Variants in CRPPA observed in about 807,000 individuals in gnomAD.
The protein encoded by CRPPA is CDP-L-ribitol pyrophosphorylase A, also known as D-ribitol-5-phosphate cytidylyltransferase.
In CRPPA, 43 loss-of-function variants were observed where a neutral mutation model predicts 52.0. The ratio of observed to expected loss-of-function variants is 0.83; its 90% CI spans 0.65 to 1.07. The LOEUF (loss-of-function observed/expected upper bound fraction) is 1.07, where lower values mean the gene tolerates loss of function less well. Among genes scored for constraint, CRPPA ranks in the 50% least tolerant of loss-of-function variants. The probability of loss-of-function intolerance (pLI) is 0.00; values close to 1 mark genes in which losing one functional copy is unlikely to be tolerated. For missense variants in CRPPA, 629 were observed against 551.7 expected, an observed-to-expected ratio of 1.14 and a Z score of -1.40; for synonymous variants, 250 against 203.5, an observed-to-expected ratio of 1.23 and a Z score of -1.94.
chr7:16,296,386 C>A (rs1291812961), intron 5 of CRPPA, among the ~76,000 whole-genome samples: 5 of 151,932 alleles, frequency 3.3e-5, no homozygotes, highest in African/African-American at 1.2e-4. Flanking sequence ...TAAGATGGAC[C>A]AAAACACACA....
chr7:16,317,650 A>G (rs1299812625), intron 3 of CRPPA, among the ~76,000 whole-genome samples: 1 of 152,184 alleles, frequency 6.6e-6, no homozygotes, highest in Non-Finnish European at 1.5e-5. Flanking sequence ...CTATCTATTC[A>G]TCAATGGACA....
intron 9 of CRPPA, among the ~76,000 whole-genome samples, chr7:16,140,628 A>T (rs1007068949): frequency 5.9e-5 from 9 of 152,182 alleles, no homozygotes; most frequent in African/African-American, 2.2e-4. Context: ...GCATTATATA[A>T]TCCTTTTTAT....
At chr7:16,212,183 C>A (rs919706019) in intron 9 of CRPPA, among the ~76,000 whole-genome samples, 1 of 152,044 alleles carries the variant, frequency 6.6e-6, no homozygotes, top group Non-Finnish European at 1.5e-5. Context: ...TAAGAGAGTG[C>A]CTCTGCTTTA....
rs1381774184 is a variant in CRPPA at position 16,278,236 on chromosome 7, A to G, written c.836-10T>C. 7.2e-7 allele frequency: 1 copy of G among 1,385,268 alleles called. No individual in the cohort carries two copies. The highest frequency in any genetic ancestry group is 2.3e-5 in the Admixed American group (1 of 44,140). 85.8% of individuals were successfully genotyped at this position (1,385,268 alleles called of 1,614,324 possible). On this transcript the variant is annotated splice_polypyrimidine_tract_variant and intron_variant, in intron 5 of 9. Transcript: ENST00000407010. ...TCTTGGGAAATTCTCTCTGAAATTA[A>G]AAAAAAAAAGTTTTAAGTTTCAAAC...
chr7:16,185,505 G>T (rs915553197), intron 9 of CRPPA, among the ~76,000 whole-genome samples: 2 of 152,134 alleles, frequency 1.3e-5, no homozygotes, highest in African/African-American at 4.8e-5. Flanking sequence ...AACAACGGTG[G>T]TGGCAATAGG....
chr7:16,381,195 TGTTCTG>T (rs1787077237), intron 2 of CRPPA, among the ~76,000 whole-genome samples: 1 of 152,240 alleles, frequency 6.6e-6, no homozygotes, highest in African/African-American at 2.4e-5. Flanking sequence ...GTTGTTTCAT[TGTTCTG>T]GTTGGTTTCA....
At chr7:16,323,301 C>A (rs1221203696) in intron 3 of CRPPA, among the ~76,000 whole-genome samples, 1 of 152,114 alleles carries the variant, frequency 6.6e-6, no homozygotes, top group Non-Finnish European at 1.5e-5. Flanking sequence ...TATCTATAAC[C>A]TTTGCCAGGT....
chr7:16,112,401 G>T (rs1183631230), intron 9 of CRPPA, among the ~76,000 whole-genome samples: 1 of 151,910 alleles, frequency 6.6e-6, no homozygotes. Context: ...AGGATCTGCA[G>T]ATAGATAGCT....
chr7:16,104,896 T>C (rs1401297950), intron 9 of CRPPA, among the ~76,000 whole-genome samples: 2 of 142,264 alleles, frequency 1.4e-5, no homozygotes, highest in African/African-American at 2.8e-5. Flanking sequence ...TGAGACTCCA[T>C]CTCAAAGAAA....
chr7:16,130,464 A>G (rs971260742), intron 9 of CRPPA, among the ~76,000 whole-genome samples: 2 of 152,206 alleles, frequency 1.3e-5, no homozygotes, highest in African/African-American at 4.8e-5. Context: ...TTAAAACAGA[A>G]TTAAACAATA....
At chr7:16,107,306 G>C (rs1284451616) in intron 9 of CRPPA, among the ~76,000 whole-genome samples, 1 of 152,112 alleles carries the variant, frequency 6.6e-6, no homozygotes, top group East Asian at 1.9e-4. Flanking sequence ...CCAGAAAGAA[G>C]TTCATCAAGG....
intron 2 of CRPPA, among the ~76,000 whole-genome samples, chr7:16,382,206 G>A (rs1356073419): frequency 6.6e-6 from 1 of 152,106 alleles, no homozygotes; most frequent in African/African-American, 2.4e-5. Flanking sequence ...AAATCTCTCA[G>A]CATTTGCTTG....
chr7:16,207,946 T>C (rs1428074803), intron 9 of CRPPA, among the ~76,000 whole-genome samples: 1 of 152,212 alleles, frequency 6.6e-6, no homozygotes, highest in Non-Finnish European at 1.5e-5. Flanking sequence ...TGCCTTCTTT[T>C]TGTTTCTATT....
rs565851582 is a variant in CRPPA at position 16,383,073 on chromosome 7, T to C, written c.535-6832A>G. Among the ~76,000 whole-genome samples the C allele has an allele frequency of 2.4e-4, 36 of 152,300 alleles. No homozygotes were observed. The East Asian group carries it at 2.5e-3, about 11-fold the overall frequency. ...TTTGGAGGAGGAGAAGTGCTCTGCT[T>C]TTTAGAGTTTCCAGTTTTTCTGCTC... On this transcript the variant is annotated intron_variant, in intron 2 of 9. Coordinates refer to ENST00000407010, the MANE Select transcript of CRPPA (RefSeq NM_001101426.4).
intron 9 of CRPPA, among the ~76,000 whole-genome samples, chr7:16,126,169 A>C (rs1249020247): frequency 6.6e-6 from 1 of 152,150 alleles, no homozygotes; most frequent in Admixed American, 6.6e-5. Flanking sequence ...CGAAGTAAGT[A>C]CCAATAAAGC....
intron 3 of CRPPA, among the ~76,000 whole-genome samples, chr7:16,372,146 C>G (rs7457079): frequency 0.28 from 42,039 of 152,064 alleles, 6,101 homozygotes; most frequent in South Asian, 0.38. Context: ...TTGAGGAAAA[C>G]TTCCTAACCT....
intron 4 of CRPPA, among the ~76,000 whole-genome samples, chr7:16,303,486 A>AC (rs1562619493): frequency 2.3e-4 from 33 of 142,740 alleles, no homozygotes; most frequent in Non-Finnish European, 3.4e-4. Flanking sequence ...GTAAAAAAAA[A>AC]AAAAAAAAAA....
chr7:16,420,701 G>A (rs1236327845), intron 1 of CRPPA, among the ~76,000 whole-genome samples: 2 of 152,182 alleles, frequency 1.3e-5, no homozygotes, highest in Non-Finnish European at 2.9e-5. Flanking sequence ...CATGCGCGGA[G>A]GCAGAGCCCC....
intron 9 of CRPPA, among the ~76,000 whole-genome samples, chr7:16,131,960 G>C (rs549952764): frequency 6.6e-6 from 1 of 152,182 alleles, no homozygotes; most frequent in African/African-American, 2.4e-5. Flanking sequence ...ACCGAAGCCA[G>C]TAGGGCAAAG....
Sources: allele counts gnomAD v4.1 joint callset (sites outside exome capture counted in the v4.1 genomes callset), GRCh38; gene constraint gnomAD v4.1.1; transcripts MANE v1.5; gene names NCBI Gene and HGNC (gene_info 2026-07-23, HGNC 2026-07-21).